SLC44A5: variants seen among roughly 807,000 people sequenced by gnomAD.
SLC44A5 encodes the protein solute carrier family 44 member 5.
Under a neutral mutation model 101.8 loss-of-function variants are expected in SLC44A5, and 57 were observed. The observed-to-expected ratio is 0.56, with a 90% CI of 0.45 to 0.70. SLC44A5 has a LOEUF of 0.70. Among genes scored for constraint, SLC44A5 ranks in the 30% least tolerant of loss-of-function variants. The pLI, the probability that SLC44A5 is intolerant of heterozygous loss-of-function variation, is 0.00. For missense variants in SLC44A5, 737 were observed against 853.1 expected, an observed-to-expected ratio of 0.86 and a Z score of 1.70; for synonymous variants, 281 against 290.9, an observed-to-expected ratio of 0.97 and a Z score of 0.35.
At chr1:75,654,342 CA>C in the SLC44A5 span, among the ~76,000 whole-genome samples, 1 of 152,102 alleles carries the variant, frequency 6.6e-6, no homozygotes, top group Non-Finnish European at 1.5e-5. Context: ...TAAAATTGTT[CA>C]ATGTTTCAGA....
At chr1:75,698,337 C>G in the SLC44A5 span, among the ~76,000 whole-genome samples, 1 of 152,160 alleles carries the variant, frequency 6.6e-6, no homozygotes, top group Non-Finnish European at 1.5e-5. Context: ...TCAAGTGGGT[C>G]CCTGACCCCT....
intron 6 of SLC44A5, among the ~76,000 whole-genome samples, chr1:75,259,791 T>G (rs1210404081): frequency 6.6e-6 from 1 of 152,092 alleles, no homozygotes; most frequent in Non-Finnish European, 1.5e-5. Flanking sequence ...AAAGGTCAGG[T>G]TACCCACAAC....
At chr1:75,638,160 CTT>C in the SLC44A5 span, among the ~76,000 whole-genome samples, 2 of 151,986 alleles carry the variant, frequency 1.3e-5, no homozygotes, top group Middle Eastern at 3.4e-3. Context: ...AATAAAAAGA[CTT>C]AAATAATATG....
chr1:75,470,021 C>T (rs1455062014), intron 2 of SLC44A5, among the ~76,000 whole-genome samples: 1 of 149,828 alleles, frequency 6.7e-6, no homozygotes, highest in East Asian at 2.0e-4. Context: ...GCTCCTAAAA[C>T]ATTCTTTAGA....
At chr1:75,537,023 A>ATATATATAT (rs1557885138) in intron 2 of SLC44A5, among the ~76,000 whole-genome samples, 1 of 34,886 alleles carries the variant, frequency 2.9e-5, no homozygotes, top group African/African-American at 4.7e-5. Flanking sequence ...AAAAAAAAAA[A>ATATATATAT]AAAAAAAAAA....
intron 2 of SLC44A5, among the ~76,000 whole-genome samples, chr1:75,418,096 G>T (rs987576300): frequency 6.6e-6 from 1 of 152,166 alleles, no homozygotes; most frequent in Non-Finnish European, 1.5e-5. Context: ...GTGACATTTA[G>T]ATATTTTCTT....
the SLC44A5 span, among the ~76,000 whole-genome samples, chr1:75,705,800 C>T: frequency 6.6e-6 from 1 of 152,138 alleles, no homozygotes; most frequent in Non-Finnish European, 1.5e-5. Context: ...CTAGCCTCAG[C>T]CTCCCAGGTA....
rs541095641 is a variant in SLC44A5, at chr1:75,423,595, G to A, written c.14-26974C>T. 4.2e-4 allele frequency among the ~76,000 whole-genome samples: 64 copies of A among 152,324 alleles called. 1 individual carries two copies. The South Asian group carries it at 0.012, about 29-fold the overall frequency. On this transcript the variant is annotated intron_variant, in intron 2 of 23. Transcript: ENST00000370859. Reference sequence around the variant, plus strand: ...TACTATCGTTCTATTAAAGATTGGAGAAGCAGAAAAGTTAAATGTTTGCTA... The same window carrying A: ...TACTATCGTTCTATTAAAGATTGGAAAAGCAGAAAAGTTAAATGTTTGCTA...
chr1:75,451,829 CAA>C (rs1274716680), intron 2 of SLC44A5, among the ~76,000 whole-genome samples: 2 of 151,882 alleles, frequency 1.3e-5, no homozygotes, highest in Admixed American at 6.6e-5. Context: ...AAAAAGTAAA[CAA>C]AGTCTTCAAA....
the SLC44A5 span, among the ~76,000 whole-genome samples, chr1:75,642,535 C>T: frequency 4.6e-5 from 7 of 152,052 alleles, no homozygotes; most frequent in Non-Finnish European, 8.8e-5. Flanking sequence ...CATGGTTAAA[C>T]GAATTCCTAT....
At chr1:75,396,977 A>AT (rs1328985386) in intron 2 of SLC44A5, among the ~76,000 whole-genome samples, 1 of 152,114 alleles carries the variant, frequency 6.6e-6, no homozygotes, top group East Asian at 1.9e-4. Flanking sequence ...GTTTACTTTC[A>AT]TTTTCTGTTC....
At chr1:75,679,951 G>C in the SLC44A5 span, among the ~76,000 whole-genome samples, 4 of 152,240 alleles carry the variant, frequency 2.6e-5, 1 homozygote, top group Admixed American at 2.6e-4. Context: ...AAAGAAGGCA[G>C]GGGTTGCAAT....
At chr1:75,259,056 C>A (rs867737337) in intron 6 of SLC44A5, among the ~76,000 whole-genome samples, 2 of 152,112 alleles carry the variant, frequency 1.3e-5, no homozygotes, top group African/African-American at 2.4e-5. Flanking sequence ...GTAGATAAAT[C>A]CATGAAGATG....
intron 3 of SLC44A5, among the ~76,000 whole-genome samples, chr1:75,388,841 A>G (rs1366923143): frequency 1.3e-5 from 2 of 151,988 alleles, no homozygotes; most frequent in African/African-American, 2.4e-5. Context: ...AGTGGCCTAA[A>G]CACCCCACTA....
intron 1 of SLC44A5, among the ~76,000 whole-genome samples, chr1:75,602,884 A>G (rs1222180735): frequency 6.6e-6 from 1 of 152,154 alleles, no homozygotes; most frequent in Non-Finnish European, 1.5e-5. Context: ...GCTAAGCTTA[A>G]AATAAGTTTT....
intron 3 of SLC44A5, among the ~76,000 whole-genome samples, chr1:75,355,868 T>A (rs995425578): frequency 1.7e-4 from 26 of 152,168 alleles, no homozygotes; most frequent in South Asian, 1.2e-3. Flanking sequence ...ATTTATTTTT[T>A]AAAAAAACCC....
At chr1:75,396,558 A>C (rs763419191) in intron 3 of SLC44A5, 25 bp downstream of exon 3, 4 of 1,575,352 alleles carry the variant, frequency 2.5e-6, no homozygotes, top group Non-Finnish European at 3.5e-6. Flanking sequence ...GATTCTTAGC[A>C]CTTAATACTC....
rs189976711 is a variant in SLC44A5, at chr1:75,202,222, T to A, written c.*1505A>T. The A allele has an allele frequency of 2.0e-5, 3 of 152,322 alleles. No individual in the cohort carries two copies. In the East Asian group the frequency reaches 5.8e-4, roughly 29 times the overall value. 9.4% of individuals were successfully genotyped at this position (152,322 alleles called of 1,614,324 possible). A position where few individuals can be genotyped will look rare whatever the true frequency, so the allele number is the denominator to read the frequency against. ...TATTAAACATTTTAATTATCAAAGA[T>A]ATTTAGACAATACGTTTCTAACATT... On this transcript the variant is annotated 3_prime_UTR_variant, in exon 24 of 24. Coordinates refer to ENST00000370859, the MANE Select transcript of SLC44A5 (RefSeq NM_001130058.2).
chr1:75,643,795 G>A, the SLC44A5 span, among the ~76,000 whole-genome samples: 1 of 152,212 alleles, frequency 6.6e-6, no homozygotes, highest in South Asian at 2.1e-4. Flanking sequence ...CAGCCATGTG[G>A]GACTGTGAGT....
Sources: allele counts gnomAD v4.1 joint callset (sites outside exome capture counted in the v4.1 genomes callset), GRCh38; gene constraint gnomAD v4.1.1; transcripts MANE v1.5; gene names NCBI Gene and HGNC (gene_info 2026-07-23, HGNC 2026-07-21).